The following ATL1 variants were observed in gnomAD, a reference collection of about 807,000 sequenced individuals.
The protein encoded by ATL1 is atlastin-1.
ATL1 carries 31 observed loss-of-function variants against 75.5 expected under a neutral mutation model. The ratio of observed to expected loss-of-function variants is 0.41; its 90% CI spans 0.31 to 0.55. The LOEUF (loss-of-function observed/expected upper bound fraction) is 0.55. ATL1 is among the 20% of genes least tolerant of loss of function. The pLI is 0.27. For synonymous variants in ATL1, 226 were observed against 233.3 expected, an observed-to-expected ratio of 0.97 and a Z score of 0.28; for missense variants, 405 against 662.6, an observed-to-expected ratio of 0.61 and a Z score of 4.27.
chr14:50,535,903 C>T (rs2038485400), intron 1 of ATL1, among the ~76,000 whole-genome samples: 1 of 152,148 alleles, frequency 6.6e-6, no homozygotes, highest in African/African-American at 2.4e-5. Flanking sequence ...AAGTCTTTCC[C>T]ATGCTGTTTT....
At chr14:50,628,566 G>T in intron 12 of ATL1, 104 bp downstream of exon 12, 1 of 1,227,886 alleles carries the variant, frequency 8.1e-7, no homozygotes, top group Non-Finnish European at 1.2e-6. Flanking sequence ...ACAGGAATTG[G>T]GCCCCAGTCA....
chr14:50,610,355 G>C (rs1462578999), intron 6 of ATL1, among the ~76,000 whole-genome samples: 4 of 151,906 alleles, frequency 2.6e-5, no homozygotes, highest in African/African-American at 2.4e-5. Flanking sequence ...TAATTGACAA[G>C]GTTTTGAAAG....
chr14:50,581,972 A>T (rs2039059683), intron 1 of ATL1, among the ~76,000 whole-genome samples: 1 of 152,196 alleles, frequency 6.6e-6, no homozygotes, highest in African/African-American at 2.4e-5. Context: ...TCACAATAGC[A>T]ATAATAACTA....
chr14:50,574,971 A>ATATCTATATATATATATC (rs2038991991), intron 1 of ATL1, among the ~76,000 whole-genome samples: 4 of 129,608 alleles, frequency 3.1e-5, no homozygotes, highest in African/African-American at 1.2e-4. Context: ...ATATATATAT[A>ATATCTATATATATATATC]TATATTAGCT....
chr14:50,544,842 CAGG>C (rs2140150972), intron 1 of ATL1, among the ~76,000 whole-genome samples: 1 of 144,448 alleles, frequency 6.9e-6, no homozygotes, highest in Admixed American at 7.4e-5. Flanking sequence ...AAGGCTGAAG[CAGG>C]AGGATTGCAT....
At chr14:50,580,551 C>G (rs1416923719) in intron 1 of ATL1, among the ~76,000 whole-genome samples, 1 of 151,970 alleles carries the variant, frequency 6.6e-6, no homozygotes, top group Non-Finnish European at 1.5e-5. Flanking sequence ...CCTTGAATTC[C>G]TATAATAGAT....
At chr14:50,623,731 G>A (rs2039490406) in intron 11 of ATL1, among the ~76,000 whole-genome samples, 1 of 152,066 alleles carries the variant, frequency 6.6e-6, no homozygotes, top group African/African-American at 2.4e-5. Flanking sequence ...GTACTACTGT[G>A]ATAGATATTA....
chr14:50,570,780 T>C (rs187411693), intron 1 of ATL1, among the ~76,000 whole-genome samples: 106 of 152,310 alleles, frequency 7.0e-4, no homozygotes, highest in African/African-American at 2.4e-3. Context: ...GTATACTTTG[T>C]GATTTGTTGA....
At position 50,551,954 on chromosome 14, in the gene ATL1, G is replaced by A. The variant is rs539312350; in HGVS notation, c.-139-8173G>A. On this transcript the variant is annotated intron_variant, in intron 1 of 13. Coordinates refer to the ATL1 transcript ENST00000441560. ...GCATTCCCCCAGAGAACTAGAACAAGACAAGAATACCCACTTTCACCACTT... is the reference window on the plus strand; with the variant it reads ...GCATTCCCCCAGAGAACTAGAACAAAACAAGAATACCCACTTTCACCACTT... Among the ~76,000 whole-genome samples the A allele has an allele frequency of 1.5e-3, 222 of 152,168 alleles. 1 individual carries two copies. The highest frequency in any genetic ancestry group is 5.2e-3 in the African/African-American group (216 of 41,528).
chr14:50,560,600 C>T, intron 1 of ATL1: 1 of 442,922 alleles, frequency 2.3e-6, no homozygotes, highest in Non-Finnish European at 4.2e-6. Context: ...CCAGGCGCCT[C>T]CGGGGACTTG....
intron 1 of ATL1, among the ~76,000 whole-genome samples, chr14:50,553,606 T>C (rs1381190488): frequency 1.3e-5 from 2 of 152,262 alleles, no homozygotes; most frequent in East Asian, 3.9e-4. Context: ...ACTGGGTGTT[T>C]ACCCAAAGGA....
chr14:50,631,953 A>G (rs2039585593), intron 13 of ATL1: 1 of 252,370 alleles, frequency 4.0e-6, no homozygotes, highest in South Asian at 6.3e-5. Flanking sequence ...CCTGGGGCAA[A>G]GTAGAAGCTC....
chr14:50,549,820 G>A (rs947071094), intron 1 of ATL1, among the ~76,000 whole-genome samples: 4 of 152,152 alleles, frequency 2.6e-5, no homozygotes, highest in African/African-American at 9.7e-5. Flanking sequence ...GAATGGCTAA[G>A]TTCCCTGGAC....
intron 7 of ATL1, among the ~76,000 whole-genome samples, chr14:50,614,007 A>G (rs1336449244): frequency 1.3e-5 from 2 of 152,162 alleles, no homozygotes; most frequent in Non-Finnish European, 2.9e-5. Flanking sequence ...TATCTACTAA[A>G]AAGAAAGTAG....
At chr14:50,560,045 A>T (rs1206664892), upstream of ATL1, 1 of 598,176 alleles carries the variant, frequency 1.7e-6, no homozygotes, top group Non-Finnish European at 3.0e-6. Flanking sequence ...TGACGCTGGT[A>T]TCTGTGTGAA....
At position 50,605,296 on chromosome 14, in the gene ATL1, T is replaced by G. The variant is rs377753989; in HGVS notation, c.631-7963T>G. Among the ~76,000 whole-genome samples the G allele has an allele frequency of 7.2e-5, 11 of 152,068 alleles. No individual in the cohort carries two copies. In the East Asian group the frequency reaches 7.7e-4, roughly 11 times the overall value. On this transcript the variant is annotated intron_variant, in intron 6 of 13. Transcript: ENST00000358385. ...ACTTCCCTATCTATAGGTTCCTGAT[T>G]CATAGAGAACAGAGGATATTTTGGT...
At chr14:50,545,295 G>A (rs557893250) in intron 1 of ATL1, among the ~76,000 whole-genome samples, 1 of 152,182 alleles carries the variant, frequency 6.6e-6, no homozygotes, top group Non-Finnish European at 1.5e-5. Flanking sequence ...AACTGTCTGA[G>A]TCACGTTTTG....
At chr14:50,621,689 A>C (rs573898926) in intron 9 of ATL1, among the ~76,000 whole-genome samples, 154 bp from the exon 10 acceptor site, 1 of 152,362 alleles carries the variant, frequency 6.6e-6, no homozygotes, top group South Asian at 2.1e-4. Context: ...ACATGAACTA[A>C]GAAAAAAGGG....
chr14:50,584,669 A>C (rs2039085706), intron 1 of ATL1, among the ~76,000 whole-genome samples: 2 of 152,100 alleles, frequency 1.3e-5, no homozygotes, highest in African/African-American at 4.8e-5. Flanking sequence ...AGATCGCGCC[A>C]CTGCACTCCA....
Sources: gnomAD v4.1 joint callset for allele counts (sites outside exome capture counted in the v4.1 genomes callset) on GRCh38, gnomAD v4.1.1 for gene constraint, MANE v1.5 for transcripts, NCBI Gene and HGNC (gene_info 2026-07-23, HGNC 2026-07-21) for gene names.